The following ITSN1 variants were observed in gnomAD, a reference collection of about 807,000 sequenced individuals.
The protein encoded by ITSN1 is intersectin-1.
In ITSN1, 58 loss-of-function variants were observed where a neutral mutation model predicts 239.8. The observed-to-expected ratio is 0.24, with a 90% CI of 0.20 to 0.30. The LOEUF is 0.30. ITSN1 is among the 10% of genes least tolerant of loss of function. ITSN1 has a pLI of 1.00. For missense variants in ITSN1, 1,558 were observed against 2,103.3 expected, an observed-to-expected ratio of 0.74 and a Z score of 5.07; for synonymous variants, 780 against 770.8, an observed-to-expected ratio of 1.01 and a Z score of -0.20.
chr21:33,866,861 G>A (rs539910001), intron 32 of ITSN1, among the ~76,000 whole-genome samples: 36 of 152,240 alleles, frequency 2.4e-4, no homozygotes, highest in Non-Finnish European at 3.8e-4. Context: ...TCCTCTAACC[G>A]TATAGTCTTG....
chr21:33,837,006 C>T, intron 29 of ITSN1: 2 of 1,613,150 alleles, frequency 1.2e-6, no homozygotes, highest in East Asian at 2.2e-5. Flanking sequence ...GTTGTCCATC[C>T]CCCCCTCAGG....
chr21:33,883,905 T>TTC (rs1054072911), intron 36 of ITSN1, among the ~76,000 whole-genome samples: 6 of 149,552 alleles, frequency 4.0e-5, no homozygotes, highest in African/African-American at 1.2e-4. Flanking sequence ...TTTTTTTTTT[T>TTC]TTTTTTTTTT....
intron 1 of ITSN1, among the ~76,000 whole-genome samples, chr21:33,714,779 AT>A (rs1196717804): frequency 6.6e-6 from 1 of 152,142 alleles, no homozygotes; most frequent in East Asian, 1.9e-4. Context: ...TTTCCTCTGG[AT>A]TTGCCATTTG....
intron 1 of ITSN1, among the ~76,000 whole-genome samples, chr21:33,704,934 AAAAAAAAAAAAAAT>A (rs1209590697): frequency 6.8e-6 from 1 of 146,520 alleles, no homozygotes; most frequent in Admixed American, 6.8e-5. Context: ...AAAAAAAAAA[AAAAAAAAAAAAAAT>A]ACAAACAAAA....
intron 27 of ITSN1, among the ~76,000 whole-genome samples, chr21:33,831,275 C>T (rs990738692): frequency 6.6e-6 from 1 of 152,222 alleles, no homozygotes; most frequent in Non-Finnish European, 1.5e-5. Flanking sequence ...ACTGAATTTT[C>T]CAGCAGCCGT....
intron 15 of ITSN1, among the ~76,000 whole-genome samples, chr21:33,781,776 A>C (rs2070207000): frequency 1.3e-5 from 2 of 151,954 alleles, no homozygotes; most frequent in Non-Finnish European, 2.9e-5. Flanking sequence ...ATGGGGTTTC[A>C]CTATATTGGC....
chr21:33,837,954 T>A, intron 29 of ITSN1: 1 of 985,760 alleles, frequency 1.0e-6, no homozygotes, highest in Non-Finnish European at 1.2e-6. Context: ...TCCAGTTACT[T>A]TTCATGGAAT....
At chr21:33,728,137 G>A (rs935553136) in intron 4 of ITSN1, among the ~76,000 whole-genome samples, 2 of 152,034 alleles carry the variant, frequency 1.3e-5, no homozygotes, top group East Asian at 1.9e-4. Flanking sequence ...GCTAATTTTT[G>A]TATTTTTAGT....
chr21:33,865,408 AT>A lies in ITSN1; in HGVS notation c.4074+76del. 1.6e-6 allele frequency: 2 copies of A among 1,249,686 alleles called. No individual in the cohort carries two copies. Among genetic ancestry groups the A allele is most frequent in the Non-Finnish European group, 2.2e-6 (2 of 914,366 alleles). 77.4% of individuals were successfully genotyped at this position (1,249,686 alleles called of 1,614,324 possible). The stretch of plus-strand genomic sequence containing the variant: ...GGGCAGCTGGATGTGTGAGGGGCTA[AT>A]TCAAAAGTCTGCAAGAGTGTTCCCA... On this transcript the variant is annotated intron_variant, in intron 32 of 39. Transcript: ENST00000381318. The surrounding 1 kb of genome is among the most constrained non-coding windows in gnomAD (Gnocchi z 4.4).
At chr21:33,814,130 C>T in intron 22 of ITSN1, 58 bp downstream of exon 22, 1 of 1,556,286 alleles carries the variant, frequency 6.4e-7, no homozygotes. Flanking sequence ...CCAAAAACTT[C>T]AGCAAATGCT....
chr21:33,810,054 A>G (rs187759557), intron 20 of ITSN1, among the ~76,000 whole-genome samples: 2 of 152,306 alleles, frequency 1.3e-5, no homozygotes, highest in Admixed American at 1.3e-4. Flanking sequence ...AGCCTCCCAA[A>G]GTGCTGGGAT....
At chr21:33,831,164 A>G (rs1381910528) in intron 27 of ITSN1, among the ~76,000 whole-genome samples, 1 of 152,184 alleles carries the variant, frequency 6.6e-6, no homozygotes, top group Non-Finnish European at 1.5e-5. Context: ...CAAAGTGAAG[A>G]TCAGCCTCAG....
At position 33,843,418 on chromosome 21, in the gene ITSN1, C is replaced by G. The variant is rs555022636; in HGVS notation, c.3661+6786C>G. 2.0e-5 allele frequency among the ~76,000 whole-genome samples: 3 copies of G among 152,318 alleles called. No homozygotes were observed. The East Asian group carries it at 5.8e-4, about 29-fold the overall frequency. ...AGCTTCATGCTGACCCGCCCCAGCC[C>G]TTTGTCCTTCTCTCCTCCACTGGGC... is the stretch of plus-strand genomic sequence containing the variant. On this transcript the variant is annotated intron_variant, in intron 29 of 39. Coordinates refer to ENST00000381318, the MANE Select transcript of ITSN1 (RefSeq NM_003024.3).
chr21:33,875,389 C>G lies in ITSN1; in HGVS notation c.4209C>G (p.His1403Gln), dbSNP rs1185425306. Residue 1403 changes from histidine to glutamine, a missense_variant, in exon 34 of 40, where the codon CAC (histidine) becomes CAG (glutamine). Transcript: ENST00000381318. ...ACACCCCTGAAAACCACCCGGACCACAGCCACTTGAAGCACGCCCTGGAGA... is the reference window on the plus strand; with the variant it reads ...ACACCCCTGAAAACCACCCGGACCAGAGCCACTTGAAGCACGCCCTGGAGA... ...LENTPENHPD[H>Q]SHLKHALEKA... The G allele has an allele frequency of 6.2e-7, 1 of 1,614,134 alleles. No individual in the cohort carries two copies. Among genetic ancestry groups the G allele is most frequent in the Non-Finnish European group, 8.5e-7 (1 of 1,180,014 alleles).
Position 33,784,309 on chromosome 21 carries a change from A to G in ITSN1, c.1824+2176A>G, listed in dbSNP as rs563844552. Among the ~76,000 whole-genome samples the G allele has an allele frequency of 3.1e-3, 397 of 126,890 alleles. 2 individuals are homozygous for G. Among genetic ancestry groups the G allele is most frequent in the African/African-American group, 0.011 (372 of 33,446 alleles). The allele number at this position is 126,890 out of a possible 152,430, so 83.2% of individuals were successfully genotyped here. A position where few individuals can be genotyped will look rare whatever the true frequency, so the allele number is the denominator to read the frequency against. ...AAAAGGGTGAAGCCCTGTCTCTACA[A>G]AACACACACACACACACACACACAC... On this transcript the variant is annotated intron_variant, in intron 16 of 39. Coordinates refer to ENST00000381318, the MANE Select transcript of ITSN1 (RefSeq NM_003024.3).
chr21:33,680,335 C>CTTTTTTTTTTTTTTTTTTTTTT (rs766411012), intron 1 of ITSN1, among the ~76,000 whole-genome samples: 2 of 138,582 alleles, frequency 1.4e-5, no homozygotes, highest in African/African-American at 2.6e-5. Context: ...TTTCTTTTTT[C>CTTTTTTTTTTTTTTTTTTTTTT]TTTTTTTTTT....
intron 27 of ITSN1, among the ~76,000 whole-genome samples, chr21:33,830,301 A>G (rs191410000): frequency 6.6e-6 from 1 of 152,218 alleles, no homozygotes; most frequent in Non-Finnish European, 1.5e-5. Context: ...TTCTCATGGT[A>G]AAACTTCTTA....
rs1432214628 is a variant in ITSN1, at chr21:33,765,510, A to T, written c.789-365A>T. Among the ~76,000 whole-genome samples the T allele has an allele frequency of 1.3e-5, 2 of 152,160 alleles. 1 individual carries two copies. Among genetic ancestry groups the T allele is most frequent in the South Asian group, 4.1e-4 (2 of 4,828 alleles). ...TGCAGTGAGTCTGCAGTGAGCTGTG[A>T]TCATGACTGCAGTGAGGCTGCAGTG... On this transcript the variant is annotated intron_variant, in intron 9 of 39. Transcript: ENST00000381318.
chr21:33,645,722 C>T (rs1420586643), intron 1 of ITSN1, among the ~76,000 whole-genome samples: 1 of 152,140 alleles, frequency 6.6e-6, no homozygotes, highest in Non-Finnish European at 1.5e-5. Context: ...CAGAATCAGA[C>T]AGCTAGAGGT....
Sources: gnomAD v4.1 joint callset for allele counts (sites outside exome capture counted in the v4.1 genomes callset) on GRCh38, gnomAD v4.1.1 for gene constraint, Gnocchi (gnomAD v3.1) non-coding constraint, MANE v1.5 for transcripts, NCBI Gene and HGNC (gene_info 2026-07-23, HGNC 2026-07-21) for gene names.